CNBD1: variants seen among roughly 807,000 people sequenced by gnomAD.
CNBD1 encodes cyclic nucleotide-binding domain-containing protein 1.
CNBD1 carries 71 observed loss-of-function variants against 54.4 expected under a neutral mutation model. That is an observed-to-expected ratio of 1.30 (90% confidence interval 1.08 to 1.59). CNBD1 has a LOEUF of 1.59. Ranked by LOEUF, CNBD1 falls within the 40% of genes most tolerant of loss-of-function variation. The probability of loss-of-function intolerance (pLI) is 0.00; values close to 1 mark genes in which losing one functional copy is unlikely to be tolerated. For missense variants in CNBD1, 659 were observed against 518.0 expected, an observed-to-expected ratio of 1.27 and a Z score of -2.64; for synonymous variants, 182 against 170.7, an observed-to-expected ratio of 1.07 and a Z score of -0.51.
intron 4 of CNBD1, among the ~76,000 whole-genome samples, chr8:87,014,497 T>C (rs1300756216): frequency 6.6e-6 from 1 of 152,072 alleles, no homozygotes; most frequent in Non-Finnish European, 1.5e-5. Context: ...ATTACTAAAG[T>C]AAATATCTGA....
chr8:87,275,764 G>A (rs1808466105), intron 6 of CNBD1, among the ~76,000 whole-genome samples: 1 of 151,600 alleles, frequency 6.6e-6, no homozygotes. Flanking sequence ...ATTCAATTAG[G>A]AAAAGAGGAA....
chr8:86,958,231 G>A (rs1245102403), intron 4 of CNBD1, among the ~76,000 whole-genome samples: 1 of 152,152 alleles, frequency 6.6e-6, no homozygotes, highest in Non-Finnish European at 1.5e-5. Flanking sequence ...CATTTGCTGA[G>A]GAGTGCTTTA....
At chr8:87,176,196 C>T (rs1046729450) in intron 4 of CNBD1, among the ~76,000 whole-genome samples, 5 of 152,118 alleles carry the variant, frequency 3.3e-5, no homozygotes, top group Non-Finnish European at 5.9e-5. Flanking sequence ...GAGTGCTCAC[C>T]TGATTTTGGT....
chr8:87,097,319 C>T (rs1031287660), intron 4 of CNBD1, among the ~76,000 whole-genome samples: 1 of 151,976 alleles, frequency 6.6e-6, no homozygotes. Context: ...CTACAATTTA[C>T]AAAAGAAGAA....
chr8:87,349,590 T>G (rs10089493), intron 8 of CNBD1, among the ~76,000 whole-genome samples: 61,663 of 152,000 alleles, frequency 0.41, 12,795 homozygotes, highest in Middle Eastern at 0.46. Context: ...TGGCCAGGTG[T>G]TCTCAAACTC....
At chr8:87,117,120 C>T (rs1811788620) in intron 4 of CNBD1, among the ~76,000 whole-genome samples, 1 of 152,028 alleles carries the variant, frequency 6.6e-6, no homozygotes, top group Admixed American at 6.5e-5. Context: ...CCACTGGGGC[C>T]AGGTGTGGTG....
At chr8:87,110,283 C>T (rs1811636265) in intron 4 of CNBD1, among the ~76,000 whole-genome samples, 1 of 152,132 alleles carries the variant, frequency 6.6e-6, no homozygotes, top group African/African-American at 2.4e-5. Flanking sequence ...TGCAAAGATT[C>T]CACACTGAAT....
intron 2 of CNBD1, among the ~76,000 whole-genome samples, chr8:86,893,931 A>G (rs1169355968): frequency 1.3e-5 from 2 of 151,406 alleles, no homozygotes; most frequent in African/African-American, 2.4e-5. Flanking sequence ...ATCCAGGACT[A>G]CCAAACTTAT....
At chr8:87,349,129 T>A (rs1482162827) in intron 8 of CNBD1, among the ~76,000 whole-genome samples, 3 of 152,186 alleles carry the variant, frequency 2.0e-5, no homozygotes, top group Non-Finnish European at 4.4e-5. Flanking sequence ...ATTAAGTCTT[T>A]TCATTTAAAA....
At chr8:87,357,727 G>A (rs1190403480) in intron 10 of CNBD1, among the ~76,000 whole-genome samples, 2 of 152,126 alleles carry the variant, frequency 1.3e-5, no homozygotes, top group Non-Finnish European at 2.9e-5. Context: ...CCAGGGGACT[G>A]TTGGGAAGGG....
chr8:87,217,071 A>G (rs2130805850), intron 5 of CNBD1, among the ~76,000 whole-genome samples: 1 of 152,272 alleles, frequency 6.6e-6, no homozygotes, highest in East Asian at 1.9e-4. Context: ...TTAATGTTCA[A>G]TGTAAATTTT....
chr8:87,373,973 T>A (rs1810872662), intron 10 of CNBD1, among the ~76,000 whole-genome samples: 1 of 151,790 alleles, frequency 6.6e-6, no homozygotes, highest in South Asian at 2.1e-4. Context: ...ACAGTTTTCA[T>A]CTGATGAATT....
intron 4 of CNBD1, among the ~76,000 whole-genome samples, chr8:86,968,199 C>T (rs992153214): frequency 1.3e-5 from 2 of 152,034 alleles, no homozygotes; most frequent in African/African-American, 2.4e-5. Flanking sequence ...TTAAGAAAAC[C>T]GTATTGCTCT....
At chr8:87,108,536 C>G (rs1181468903) in intron 4 of CNBD1, among the ~76,000 whole-genome samples, 1 of 152,142 alleles carries the variant, frequency 6.6e-6, no homozygotes, top group African/African-American at 2.4e-5. Flanking sequence ...ACAGGTGACT[C>G]TAATACACAT....
At chr8:87,196,898 A>T (rs1324934778) in intron 4 of CNBD1, among the ~76,000 whole-genome samples, 1 of 152,226 alleles carries the variant, frequency 6.6e-6, no homozygotes, top group African/African-American at 2.4e-5. Flanking sequence ...AGAAAGGTGA[A>T]TTAATGAAAA....
At chr8:86,991,597 G>A (rs924007993) in intron 4 of CNBD1, among the ~76,000 whole-genome samples, 2 of 151,986 alleles carry the variant, frequency 1.3e-5, no homozygotes, top group Non-Finnish European at 2.9e-5. Context: ...GTTCTTCTAG[G>A]TGCATTAAGT....
intron 8 of CNBD1, among the ~76,000 whole-genome samples, chr8:87,350,379 AAGAT>A (rs1401733675): frequency 2.0e-5 from 3 of 151,996 alleles, no homozygotes; most frequent in African/African-American, 7.2e-5. Context: ...TGAGGAGAAA[AAGAT>A]AGACTATCCT....
At chr8:87,090,011 G>A (rs1194343978) in intron 4 of CNBD1, among the ~76,000 whole-genome samples, 1 of 152,004 alleles carries the variant, frequency 6.6e-6, no homozygotes, top group Non-Finnish European at 1.5e-5. Context: ...TGTAAAAAGA[G>A]TACACCTTTA....
chr8:87,090,000 A>G lies in CNBD1; in HGVS notation c.432-115993A>G, dbSNP rs185318403. Among the ~76,000 whole-genome samples the G allele has an allele frequency of 8.5e-5, 13 of 152,250 alleles. No individual in the cohort carries two copies. The East Asian group carries it at 2.3e-3, about 27-fold the overall frequency. ...TTTTATTGTATTTCCATGAATACAAATGTAAAAAGAGTACACCTTTATACC... is the reference window on the plus strand; with the variant it reads ...TTTTATTGTATTTCCATGAATACAAGTGTAAAAAGAGTACACCTTTATACC... On this transcript the variant is annotated intron_variant, in intron 4 of 10. Coordinates refer to ENST00000518476, the MANE Select transcript of CNBD1 (RefSeq NM_173538.3).
Sources: allele counts gnomAD v4.1 joint callset (sites outside exome capture counted in the v4.1 genomes callset), GRCh38; gene constraint gnomAD v4.1.1; transcripts MANE v1.5; gene names NCBI Gene and HGNC (gene_info 2026-07-23, HGNC 2026-07-21).